The following DIAPH3 variants were observed in gnomAD, a reference collection of about 807,000 sequenced individuals.
DIAPH3 encodes protein diaphanous homolog 3.
In DIAPH3, 117 loss-of-function variants were observed where a neutral mutation model predicts 144.3. The ratio of observed to expected loss-of-function variants is 0.81; its 90% CI spans 0.70 to 0.95. The LOEUF (loss-of-function observed/expected upper bound fraction) is 0.95. DIAPH3 is among the 40% of genes least tolerant of loss of function. DIAPH3 has a pLI of 0.00. For synonymous variants in DIAPH3, 519 were observed against 488.9 expected (o/e 1.06, Z -0.81); for missense variants, 1,421 against 1,412.7 (o/e 1.01, Z -0.09).
chr13:59,886,818 A>G (rs868704816), intron 20 of DIAPH3, among the ~76,000 whole-genome samples: 4 of 151,992 alleles, frequency 2.6e-5, no homozygotes, highest in African/African-American at 9.7e-5. Context: ...GACCTTTTTC[A>G]ATTCACATAG....
intron 22 of DIAPH3, among the ~76,000 whole-genome samples, chr13:59,846,804 A>C (rs1476757701): frequency 6.6e-6 from 1 of 152,210 alleles, no homozygotes; most frequent in Non-Finnish European, 1.5e-5. Flanking sequence ...TGCCGGGTGC[A>C]GTGGTTCACT....
chr13:60,027,413 C>G (rs1403239744), intron 5 of DIAPH3, among the ~76,000 whole-genome samples: 1 of 152,100 alleles, frequency 6.6e-6, no homozygotes, highest in Non-Finnish European at 1.5e-5. Context: ...ATCATTTATT[C>G]CCACTTTTCA....
intron 25 of DIAPH3, among the ~76,000 whole-genome samples, chr13:59,795,148 T>G (rs942414298): frequency 1.3e-5 from 2 of 152,190 alleles, no homozygotes; most frequent in African/African-American, 2.4e-5. Context: ...AACGAAAGCT[T>G]CAGATTAAGA....
At chr13:60,128,481 T>TAGCA (rs1566803759) in intron 2 of DIAPH3, among the ~76,000 whole-genome samples, 1 of 152,176 alleles carries the variant, frequency 6.6e-6, no homozygotes, top group Non-Finnish European at 1.5e-5. Context: ...TTACTAAACA[T>TAGCA]AGCACTAAAT....
chr13:60,095,819 C>CTCTGCT (rs2058091107), intron 3 of DIAPH3, among the ~76,000 whole-genome samples: 1 of 152,094 alleles, frequency 6.6e-6, no homozygotes, highest in Admixed American at 6.5e-5. Context: ...TATAGTTACA[C>CTCTGCT]TCTGCTTTTT....
chr13:60,025,378 T>C (rs1470907366), intron 5 of DIAPH3, among the ~76,000 whole-genome samples: 3 of 139,736 alleles, frequency 2.1e-5, no homozygotes, highest in African/African-American at 8.1e-5. Context: ...TCACATATAA[T>C]GTCCAGTATT....
In DIAPH3 at chr13:60,015,959, T is replaced by C; in HGVS notation, c.725A>G (p.Asn242Ser). 1 of 1,613,526 alleles carries C rather than the reference T, an allele frequency of 6.2e-7. No homozygotes were observed. The highest frequency in any genetic ancestry group is 1.1e-5 in the South Asian group (1 of 91,058). ...GKIQEKVVKKNQHKVIQCLKA... is the reference protein window; with the variant it reads ...GKIQEKVVKKSQHKVIQCLKA... ...TAGACACTGTATGACTTTATGTTGA[T>C]TTTTCTTTACAACTTTTTCTTGGCT... The change falls in exon 7 of 28, where the codon AAT (asparagine) becomes AGT (serine). Residue 242 changes from asparagine (N) to serine (S), a missense_variant. By Grantham distance (46) the Asn-to-Ser change is conservative. Transcript: ENST00000400324.
chr13:59,804,585 AGTT>A (rs372165377), intron 25 of DIAPH3, among the ~76,000 whole-genome samples: 217 of 152,074 alleles, frequency 1.4e-3, no homozygotes, highest in South Asian at 8.3e-3. Context: ...TAGTAGTAGC[AGTT>A]GTTGTTGTTG....
chr13:60,051,740 CA>C (rs1476271253), intron 4 of DIAPH3, among the ~76,000 whole-genome samples: 2 of 152,094 alleles, frequency 1.3e-5, no homozygotes, highest in African/African-American at 2.4e-5. Context: ...AGAGCAAAAG[CA>C]GAGTTTAAGG....
chr13:60,160,901 A>G (rs908971617), intron 1 of DIAPH3, among the ~76,000 whole-genome samples: 2 of 152,246 alleles, frequency 1.3e-5, no homozygotes, highest in Non-Finnish European at 2.9e-5. Flanking sequence ...TATCTAAGCT[A>G]CAAACTCTTT....
intron 20 of DIAPH3, among the ~76,000 whole-genome samples, chr13:59,885,382 C>T (rs1164678924): frequency 4.8e-5 from 7 of 146,058 alleles, no homozygotes; most frequent in Non-Finnish European, 1.0e-4. Flanking sequence ...CTTAGTTTTG[C>T]CTGTTCTTGA....
intron 5 of DIAPH3, chr13:60,021,120 A>G (rs2053988576): frequency 6.6e-6 from 1 of 152,068 alleles, no homozygotes; most frequent in Non-Finnish European, 1.5e-5. Flanking sequence ...CTTGCCCACC[A>G]AAAGATCTGC....
At position 59,924,353 on chromosome 13, in the gene DIAPH3, C is replaced by T. The variant is rs918986490; in HGVS notation, c.2170+422G>A. On this transcript the variant is annotated intron_variant, in intron 18 of 27. Transcript: ENST00000400324. The stretch of plus-strand genomic sequence containing the variant: ...TCACTTTACTCACCATCCTTATTTC[C>T]GTTAATATTATAACCTCCTTTATGT... Among the ~76,000 whole-genome samples, 5 of 151,998 alleles carry T rather than the reference C, an allele frequency of 3.3e-5. No individual in the cohort carries two copies. In the East Asian group the frequency reaches 7.7e-4, roughly 23 times the overall value.
At chr13:59,948,871 AGG>A in intron 17 of DIAPH3, among the ~76,000 whole-genome samples, 1 of 151,308 alleles carries the variant, frequency 6.6e-6, no homozygotes, top group Admixed American at 6.6e-5. Context: ...GAAGGAAGGA[AGG>A]AAGGAAGGAA....
intron 4 of DIAPH3, among the ~76,000 whole-genome samples, chr13:60,091,005 AGTTT>A (rs911662732): frequency 6.6e-6 from 1 of 152,240 alleles, no homozygotes; most frequent in African/African-American, 2.4e-5. Flanking sequence ...AGTTCAAAAC[AGTTT>A]GTTTCTTAAA....
chr13:59,816,486 T>C (rs917826614), intron 24 of DIAPH3, among the ~76,000 whole-genome samples: 1 of 151,606 alleles, frequency 6.6e-6, no homozygotes, highest in East Asian at 1.9e-4. Flanking sequence ...TTAGTTATGT[T>C]CCTTTTTATA....
chr13:59,994,972 CA>C (rs1215293214), intron 9 of DIAPH3, among the ~76,000 whole-genome samples: 2 of 151,602 alleles, frequency 1.3e-5, no homozygotes, highest in Admixed American at 6.6e-5. Context: ...AATTTTTGAG[CA>C]AGGAGGAAGG....
chr13:60,133,127 T>C lies in DIAPH3; in HGVS notation c.181-138A>G, dbSNP rs537843122. On this transcript the variant is annotated intron_variant, in intron 1 of 27. Coordinates refer to ENST00000400324, the MANE Select transcript of DIAPH3 (RefSeq NM_001042517.2). ...GACAGTCCAATAAAAACACATTATA[T>C]ATAATCGTTTTAATCTCTTTCTCAA... 26 of 615,858 alleles carry C rather than the reference T, an allele frequency of 4.2e-5. No homozygotes were observed. The South Asian group carries it at 6.0e-4, about 14-fold the overall frequency. The allele number at this position is 615,858 out of a possible 1,614,324, so 38.1% of individuals were successfully genotyped here.
intron 27 of DIAPH3, among the ~76,000 whole-genome samples, chr13:59,764,319 T>C (rs1204190004): frequency 1.3e-5 from 2 of 151,902 alleles, no homozygotes; most frequent in South Asian, 2.1e-4. Flanking sequence ...ACTGTCTAGA[T>C]GGTGGCTGAA....
Sources: gnomAD v4.1 joint callset for allele counts (sites outside exome capture counted in the v4.1 genomes callset) on GRCh38, gnomAD v4.1.1 for gene constraint, MANE v1.5 for transcripts, NCBI Gene and HGNC (gene_info 2026-07-23, HGNC 2026-07-21) for gene names.